The following SLC30A8 variants were observed in gnomAD, a reference collection of about 807,000 sequenced individuals.
SLC30A8 encodes solute carrier family 30 member 8, also known as proton-coupled zinc antiporter SLC30A8.
In SLC30A8, 27 loss-of-function variants were observed where a neutral mutation model predicts 36.9. The observed-to-expected ratio is 0.73, with a 90% CI of 0.54 to 1.01. The LOEUF is 1.01. Among genes scored for constraint, SLC30A8 ranks in the 50% least tolerant of loss-of-function variants. The probability of loss-of-function intolerance (pLI) is 0.00; values close to 1 mark genes in which losing one functional copy is unlikely to be tolerated. For synonymous variants in SLC30A8, 164 were observed against 172.4 expected, an observed-to-expected ratio of 0.95 and a Z score of 0.38; for missense variants, 439 against 452.0, an observed-to-expected ratio of 0.97 and a Z score of 0.26.
intron 2 of SLC30A8, among the ~76,000 whole-genome samples, chr8:117,112,312 A>T (rs1820263307): frequency 2.6e-5 from 4 of 152,184 alleles, no homozygotes; most frequent in Admixed American, 2.6e-4. Context: ...CATTCAGAGA[A>T]TTTTAATTAA....
At chr8:117,139,695 A>T (rs1281878591) in intron 1 of SLC30A8, among the ~76,000 whole-genome samples, 1 of 152,090 alleles carries the variant, frequency 6.6e-6, no homozygotes, top group East Asian at 1.9e-4. Context: ...ACAATCACTT[A>T]ACAGTGAGAT....
chr8:117,153,695 A>G (rs1256787550), intron 3 of SLC30A8, among the ~76,000 whole-genome samples: 6 of 151,738 alleles, frequency 4.0e-5, no homozygotes, highest in Admixed American at 3.9e-4. Flanking sequence ...TTACTCTTGT[A>G]TAGGCAGTAG....
At chr8:117,009,810 C>T (rs1816288874) in intron 1 of SLC30A8, among the ~76,000 whole-genome samples, 1 of 152,162 alleles carries the variant, frequency 6.6e-6, no homozygotes, top group Non-Finnish European at 1.5e-5. Context: ...TGACTGGGTC[C>T]ACAATTCACA....
chr8:117,116,618 A>T (rs866094675), intron 2 of SLC30A8, among the ~76,000 whole-genome samples: 2 of 152,162 alleles, frequency 1.3e-5, no homozygotes, highest in South Asian at 4.1e-4. Context: ...AAGAATTAGA[A>T]TTAGAACTCT....
At chr8:117,094,352 G>C (rs1819266079) in intron 2 of SLC30A8, among the ~76,000 whole-genome samples, 1 of 152,130 alleles carries the variant, frequency 6.6e-6, no homozygotes, top group Non-Finnish European at 1.5e-5. Context: ...GCAGCTCAGA[G>C]GAGAACAGCT....
At position 117,006,955 on chromosome 8, in the gene SLC30A8, G is replaced by GTTTTTTTTTT. The variant is rs869111415; in HGVS notation, c.-265-32244_-265-32235dup. Reference sequence around the variant, plus strand: ...CTGCCACCCCGCTTGGCTAATTCTTGTTTTTTTTTTTTTTTTTTTTTTTTT... The same window carrying GTTTTTTTTTT: ...CTGCCACCCCGCTTGGCTAATTCTTGTTTTTTTTTTTTTTTTTTTTTTTTTTTTTTTTTTT... On this transcript the variant is annotated intron_variant, in intron 1 of 10. Transcript: ENST00000427715. 3.4e-4 allele frequency: 13 copies of GTTTTTTTTTT among 38,120 alleles called. 1 individual carries two copies. The highest frequency in any genetic ancestry group is 2.3e-3 in the East Asian group (3 of 1,300). The allele number at this position is 38,120 out of a possible 1,614,324, so 2.4% of individuals were successfully genotyped here. A position where few individuals can be genotyped will look rare whatever the true frequency, so the allele number is the denominator to read the frequency against.
chr8:116,984,791 C>T (rs1815385120), intron 1 of SLC30A8, among the ~76,000 whole-genome samples: 1 of 151,982 alleles, frequency 6.6e-6, no homozygotes, highest in South Asian at 2.1e-4. Context: ...AATATTTTCT[C>T]CATGTCTGTA....
At chr8:117,046,982 T>C (rs1456797446) in intron 2 of SLC30A8, among the ~76,000 whole-genome samples, 1 of 152,258 alleles carries the variant, frequency 6.6e-6, no homozygotes, top group Non-Finnish European at 1.5e-5. Context: ...GTTTGAATGT[T>C]GACCCAGGCC....
intron 1 of SLC30A8, among the ~76,000 whole-genome samples, chr8:117,024,136 ATTGT>A (rs1028034044): frequency 2.4e-4 from 37 of 152,322 alleles, no homozygotes; most frequent in Non-Finnish European, 3.1e-4. Flanking sequence ...TTGGATAGAT[ATTGT>A]TTATCTGATA....
intron 2 of SLC30A8, among the ~76,000 whole-genome samples, chr8:117,067,637 T>C (rs1048393352): frequency 6.6e-6 from 1 of 152,216 alleles, no homozygotes; most frequent in African/African-American, 2.4e-5. Context: ...CAAATGCAGA[T>C]GTCTGTGAAT....
At chr8:117,046,529 G>A (rs2130765456) in intron 2 of SLC30A8, among the ~76,000 whole-genome samples, 1 of 152,318 alleles carries the variant, frequency 6.6e-6, no homozygotes, top group East Asian at 1.9e-4. Context: ...AATAAGTGAT[G>A]AGACAAATAA....
chr8:117,158,851 G>T (rs1032805291), intron 4 of SLC30A8, among the ~76,000 whole-genome samples: 1 of 152,158 alleles, frequency 6.6e-6, no homozygotes, highest in Non-Finnish European at 1.5e-5. Flanking sequence ...CTCCTAAAAA[G>T]CTTTAAACAT....
At position 117,157,821 on chromosome 8, in the gene SLC30A8, C is replaced by T. The variant is rs1195791381; in HGVS notation, c.549C>T (p.Ser183=). Residue 183 remains serine, a synonymous_variant, in exon 4 of 8, where the codon AGC becomes AGT. Coordinates refer to ENST00000456015, the MANE Select transcript of SLC30A8 (RefSeq NM_173851.3). ...IQATVMIIVS[S]CAVAANIVLT... is the part of the protein sequence containing the mutation. ...CGACTGTGATGATCATCGTTTCCAGCTGCGCAGTGGCGGCCAACATTGTGT... is the reference window on the plus strand; with the variant it reads ...CGACTGTGATGATCATCGTTTCCAGTTGCGCAGTGGCGGCCAACATTGTGT... 1.2e-6 allele frequency: 2 copies of T among 1,614,116 alleles called. No individual in the cohort carries two copies. The highest frequency in any genetic ancestry group is 1.7e-6 in the Non-Finnish European group (2 of 1,179,998).
chr8:117,163,428 G>A lies in SLC30A8; in HGVS notation c.727G>A (p.Glu243Lys). 1 of 1,609,654 alleles carries A rather than the reference G, an allele frequency of 6.2e-7. No individual in the cohort carries two copies. Among genetic ancestry groups the A allele is most frequent in the Non-Finnish European group, 8.5e-7 (1 of 1,178,190 alleles). The change falls in exon 6 of 8, where the codon GAG becomes AAG. Residue 243 changes from glutamate to lysine, a missense_variant. Glu to Lys is a moderately conservative substitution (Grantham distance 56). Coordinates refer to ENST00000456015, the MANE Select transcript of SLC30A8 (RefSeq NM_173851.3). ...ISALIIYFKPEYKIADPICTF... is the reference protein window; with the variant it reads ...ISALIIYFKPKYKIADPICTF... Reference sequence around the variant, plus strand: ...AAATCCCTGTTTTTTTTTCTAGCCAGAGTATAAAATAGCCGACCCAATCTG... The same window carrying A: ...AAATCCCTGTTTTTTTTTCTAGCCAAAGTATAAAATAGCCGACCCAATCTG...
At chr8:117,130,953 A>G (rs934085243), upstream of SLC30A8, among the ~76,000 whole-genome samples, 11 of 151,990 alleles carry the variant, frequency 7.2e-5, no homozygotes, top group Non-Finnish European at 1.6e-4. Flanking sequence ...ATTTATTTGC[A>G]TCTATGAGAC....
intron 2 of SLC30A8, among the ~76,000 whole-genome samples, chr8:117,051,501 A>G (rs1483942226): frequency 6.6e-6 from 1 of 152,124 alleles, no homozygotes; most frequent in Non-Finnish European, 1.5e-5. Flanking sequence ...GTGGTACTTC[A>G]TGTGAGAGCT....
chr8:117,149,044 T>G (rs1196409480), intron 2 of SLC30A8, among the ~76,000 whole-genome samples: 1 of 152,224 alleles, frequency 6.6e-6, no homozygotes, highest in Non-Finnish European at 1.5e-5. Context: ...TATATCTCTT[T>G]TGTGTGTTTC....
chr8:117,172,597 T>C lies in SLC30A8; in HGVS notation c.1026T>C (p.Phe342=), dbSNP rs765166346. ...REIAKALSKS[F]TMHSLTIQME... ...TTGCTAAAGCCCTTAGCAAAAGCTTTACGATGCACTCACTCACCATTCAGA... is the reference window on the plus strand; with the variant it reads ...TTGCTAAAGCCCTTAGCAAAAGCTTCACGATGCACTCACTCACCATTCAGA... The change falls in exon 8 of 8, where the codon TTT becomes TTC. Residue 342 remains phenylalanine (F), a synonymous_variant. Coordinates refer to ENST00000456015, the MANE Select transcript of SLC30A8 (RefSeq NM_173851.3). 2 of 1,613,758 alleles carry C rather than the reference T, an allele frequency of 1.2e-6. No homozygotes were observed. Among genetic ancestry groups the C allele is most frequent in the African/African-American group, 2.7e-5 (2 of 75,018 alleles).
chr8:117,116,997 C>A (rs116065916), intron 2 of SLC30A8, among the ~76,000 whole-genome samples: 2 of 151,916 alleles, frequency 1.3e-5, no homozygotes, highest in Admixed American at 6.6e-5. Context: ...GTGGCTTCTA[C>A]GCCCTCAGAA....
Sources: gnomAD v4.1 joint callset for allele counts (sites outside exome capture counted in the v4.1 genomes callset) on GRCh38, gnomAD v4.1.1 for gene constraint, MANE v1.5 for transcripts, NCBI Gene and HGNC (gene_info 2026-07-23, HGNC 2026-07-21) for gene names.